Variants in GRM5 observed in about 807,000 individuals in gnomAD.
GRM5 encodes the protein metabotropic glutamate receptor 5.
A neutral mutation model predicts 83.1 loss-of-function variants in GRM5; 19 were observed. The observed-to-expected ratio is 0.23, with a 90% confidence interval of 0.16 to 0.34. The LOEUF (loss-of-function observed/expected upper bound fraction) is 0.34, where lower values mean the gene tolerates loss of function less well. GRM5 is among the 10% of genes least tolerant of loss of function. The pLI, the probability that GRM5 is intolerant of heterozygous loss-of-function variation, is 1.00. For synonymous variants in GRM5, 675 were observed against 633.6 expected (o/e 1.07, Z -0.98); for missense variants, 1,160 against 1,588.3 (o/e 0.73, Z 4.58).
chr11:88,927,704 A>T (rs185072655), intron 2 of GRM5, among the ~76,000 whole-genome samples: 2 of 152,242 alleles, frequency 1.3e-5, no homozygotes, highest in Non-Finnish European at 2.9e-5. Flanking sequence ...TGAAAACATC[A>T]CAAAGTTAAG....
intron 3 of GRM5, among the ~76,000 whole-genome samples, chr11:88,831,687 G>A (rs1055908427): frequency 6.6e-6 from 1 of 152,152 alleles, no homozygotes; most frequent in Non-Finnish European, 1.5e-5. Flanking sequence ...TACCACCACA[G>A]CTGGCATCTA....
intron 3 of GRM5, among the ~76,000 whole-genome samples, chr11:88,838,084 CA>C (rs1157680177): frequency 0.035 from 1,905 of 55,080 alleles, 17 homozygotes; most frequent in African/African-American, 0.11. Flanking sequence ...GACTCCATCT[CA>C]AAAAAAAAAA....
intron 3 of GRM5, among the ~76,000 whole-genome samples, chr11:88,844,548 A>C (rs1279963273): frequency 6.6e-6 from 1 of 152,162 alleles, no homozygotes; most frequent in Non-Finnish European, 1.5e-5. Flanking sequence ...TCAACAAGTA[A>C]TTTTGACTTT....
rs560468617 is a variant in GRM5, at chr11:88,938,840, G to T, written c.662-88685C>A. Among the ~76,000 whole-genome samples the T allele has an allele frequency of 1.9e-3, 282 of 151,574 alleles. 1 individual carries two copies. Among genetic ancestry groups the T allele is most frequent in the African/African-American group, 6.6e-3 (273 of 41,444 alleles). On this transcript the variant is annotated intron_variant, in intron 2 of 9. Coordinates refer to ENST00000305447, the MANE Select transcript of GRM5 (RefSeq NM_001143831.3). The stretch of plus-strand genomic sequence containing the variant: ...TTTAGAAAAGCTTACATATATTTTT[G>T]ATTTCCTAAGTTATATAAGGTTTGC...
At chr11:88,817,856 CCA>C (rs1453275370) in intron 3 of GRM5, among the ~76,000 whole-genome samples, 3 of 152,032 alleles carry the variant, frequency 2.0e-5, no homozygotes, top group Non-Finnish European at 4.4e-5. Flanking sequence ...TGCTGATAAT[CCA>C]CAGTGTTAAG....
intron 3 of GRM5, among the ~76,000 whole-genome samples, chr11:88,829,212 A>G (rs1943944817): frequency 6.6e-6 from 1 of 152,170 alleles, no homozygotes. Flanking sequence ...TATAATTCCA[A>G]CGCTTTGGGA....
At chr11:88,754,452 T>C (rs868604641) in intron 3 of GRM5, among the ~76,000 whole-genome samples, 1 of 152,030 alleles carries the variant, frequency 6.6e-6, no homozygotes, top group African/African-American at 2.4e-5. Flanking sequence ...AAGAAGAAAA[T>C]TAATTATTCA....
At chr11:89,041,261 C>T (rs1191520379) in intron 2 of GRM5, among the ~76,000 whole-genome samples, 6 of 152,186 alleles carry the variant, frequency 3.9e-5, no homozygotes, top group African/African-American at 1.4e-4. Context: ...TGCACATCAC[C>T]AGAGATATTT....
chr11:88,563,268 G>C (rs1270779808), intron 8 of GRM5, among the ~76,000 whole-genome samples: 2 of 152,136 alleles, frequency 1.3e-5, no homozygotes, highest in African/African-American at 2.4e-5. Context: ...TAGCTGAATT[G>C]AAATCCAGGT....
At chr11:88,924,113 A>T (rs569402211) in intron 2 of GRM5, among the ~76,000 whole-genome samples, 1 of 141,478 alleles carries the variant, frequency 7.1e-6, no homozygotes, top group African/African-American at 2.6e-5. Context: ...ATCACCTCAC[A>T]CCTGTTAGTA....
intron 2 of GRM5, among the ~76,000 whole-genome samples, chr11:88,886,570 G>A (rs1006725706): frequency 7.2e-5 from 11 of 152,098 alleles, no homozygotes; most frequent in Admixed American, 3.3e-4. Context: ...GTTTGAACCA[G>A]CTTCCTTTCA....
At chr11:88,930,957 A>T (rs1937682969) in intron 2 of GRM5, among the ~76,000 whole-genome samples, 1 of 147,852 alleles carries the variant, frequency 6.8e-6, no homozygotes, top group South Asian at 2.2e-4. Context: ...TTAAAAAAAA[A>T]TGGGAGATTG....
chr11:88,804,071 C>A (rs183294047), intron 3 of GRM5, among the ~76,000 whole-genome samples: 2,441 of 152,182 alleles, frequency 0.016, 63 homozygotes, highest in African/African-American at 0.056. Flanking sequence ...AATAGGAACA[C>A]TTTTACACTG....
intron 4 of GRM5, among the ~76,000 whole-genome samples, chr11:88,606,687 A>G (rs1180065562): frequency 6.6e-6 from 1 of 152,154 alleles, no homozygotes; most frequent in Admixed American, 6.5e-5. Flanking sequence ...TAGGAGTAGG[A>G]CTGTCAGGGA....
At chr11:88,909,153 T>C (rs1945452459) in intron 2 of GRM5, among the ~76,000 whole-genome samples, 1 of 152,142 alleles carries the variant, frequency 6.6e-6, no homozygotes, top group African/African-American at 2.4e-5. Context: ...TTCTCATTTG[T>C]CCTTGTTCCT....
At chr11:88,611,437 A>G (rs1938313487) in intron 4 of GRM5, among the ~76,000 whole-genome samples, 1 of 152,046 alleles carries the variant, frequency 6.6e-6, no homozygotes, top group African/African-American at 2.4e-5. Flanking sequence ...TCCTGGTTCA[A>G]TTTTGAGAGG....
intron 7 of GRM5, among the ~76,000 whole-genome samples, chr11:88,571,687 A>G (rs562301416): frequency 2.6e-5 from 4 of 152,266 alleles, no homozygotes; most frequent in African/African-American, 9.6e-5. Context: ...AACCTTAGAG[A>G]TTATCAAGCC....
At chr11:88,690,756 C>G (rs1351824188) in intron 3 of GRM5, among the ~76,000 whole-genome samples, 1 of 152,138 alleles carries the variant, frequency 6.6e-6, no homozygotes, top group Non-Finnish European at 1.5e-5. Context: ...TATTATAAAT[C>G]AGGTTGGGTT....
At chr11:89,058,903 G>T (rs1244668917) in intron 1 of GRM5, among the ~76,000 whole-genome samples, 5 of 151,318 alleles carry the variant, frequency 3.3e-5, no homozygotes, top group East Asian at 1.9e-4. Context: ...TTTACATGTT[G>T]ATTTTTCATT....
Sources: allele counts gnomAD v4.1 joint callset (sites outside exome capture counted in the v4.1 genomes callset), GRCh38; gene constraint gnomAD v4.1.1; transcripts MANE v1.5; gene names NCBI Gene and HGNC (gene_info 2026-07-23, HGNC 2026-07-21).